ATL2: variants seen among roughly 807,000 people sequenced by gnomAD.
ATL2 encodes the protein atlastin-2.
A neutral mutation model predicts 73.9 loss-of-function variants in ATL2; 31 were observed. The observed-to-expected ratio is 0.42, with a 90% confidence interval of 0.32 to 0.57. The LOEUF is 0.57. Ranked by LOEUF, ATL2 falls within the 20% of genes least tolerant of loss-of-function variation. The probability of loss-of-function intolerance (pLI) is 0.14; values close to 1 mark genes in which losing one functional copy is unlikely to be tolerated. For missense variants in ATL2, 738 were observed against 702.6 expected (o/e 1.05, Z -0.57); for synonymous variants, 291 against 237.5 (o/e 1.23, Z -2.07).
At chr2:38,348,241 C>T (rs1026087872) in intron 1 of ATL2, among the ~76,000 whole-genome samples, 3 of 151,758 alleles carry the variant, frequency 2.0e-5, no homozygotes, top group African/African-American at 7.3e-5. Context: ...CTGAGGAGGG[C>T]GGATCACCTA....
At chr2:38,320,317 T>C (rs1668250982) in intron 2 of ATL2, among the ~76,000 whole-genome samples, 1 of 152,176 alleles carries the variant, frequency 6.6e-6, no homozygotes, top group South Asian at 2.1e-4. Context: ...AAAGAGTCCT[T>C]ATCTATTAGA....
intron 1 of ATL2, among the ~76,000 whole-genome samples, chr2:38,369,982 T>C (rs1573599150): frequency 6.8e-6 from 1 of 146,562 alleles, no homozygotes; most frequent in African/African-American, 2.6e-5. Flanking sequence ...AAACCCCGTC[T>C]CTACTAAAAA....
chr2:38,309,516 A>G lies in ATL2; in HGVS notation c.944-10T>C. 1 of 1,605,758 alleles carries G rather than the reference A, an allele frequency of 6.2e-7. No homozygotes were observed. Among genetic ancestry groups the G allele is most frequent in the African/African-American group, 1.3e-5 (1 of 74,510 alleles). On this transcript the variant is annotated splice_polypyrimidine_tract_variant and intron_variant, in intron 8 of 12. Transcript: ENST00000378954. The stretch of plus-strand genomic sequence containing the variant: ...AAGTCTTCATCAATATCTAGAAAAC[A>G]AAAAATTGAGCAACATATTAGTCCA...
At chr2:38,310,518 G>A in intron 7 of ATL2, 71 bp from the exon 8 acceptor site, 1 of 1,348,408 alleles carries the variant, frequency 7.4e-7, no homozygotes, top group Non-Finnish European at 1.0e-6. Context: ...AATGCACACA[G>A]ACTCGCATGC....
At chr2:38,333,472 A>T (rs1655998245) in intron 2 of ATL2, among the ~76,000 whole-genome samples, 1 of 152,182 alleles carries the variant, frequency 6.6e-6, no homozygotes, top group South Asian at 2.1e-4. Flanking sequence ...AATGTTCTAA[A>T]ACTGGTGGTT....
chr2:38,375,176 T>A (rs769217634), intron 1 of ATL2, among the ~76,000 whole-genome samples: 7 of 152,230 alleles, frequency 4.6e-5, no homozygotes, highest in Non-Finnish European at 7.3e-5. Flanking sequence ...ACTTGGTTTT[T>A]GAAGCTATTT....
Position 38,323,104 on chromosome 2 carries a change from T to A in ATL2, c.364-4085A>T, listed in dbSNP as rs534053844. 2.3e-3 allele frequency among the ~76,000 whole-genome samples: 356 copies of A among 152,276 alleles called. 2 individuals carry two copies. Among genetic ancestry groups the A allele is most frequent in the African/African-American group, 8.3e-3 (344 of 41,564 alleles). On this transcript the variant is annotated intron_variant, in intron 2 of 12. Transcript: ENST00000378954. ...TAAACATTCCTGCCCACAAAGAGAA[T>A]TTTAGTGGGAGCTAAAGGCAGCCTT...
intron 1 of ATL2, among the ~76,000 whole-genome samples, chr2:38,371,198 T>TAAAA (rs556240788): frequency 7.1e-6 from 1 of 139,958 alleles, no homozygotes; most frequent in Non-Finnish European, 1.6e-5. Flanking sequence ...TCTCTTTAAT[T>TAAAA]AAAAAAAAAA....
chr2:38,365,078 G>C (rs1274033297), intron 1 of ATL2, among the ~76,000 whole-genome samples: 3 of 147,722 alleles, frequency 2.0e-5, no homozygotes, highest in Non-Finnish European at 4.5e-5. Context: ...GAGTTGTAAA[G>C]TATCAAGCCA....
At chr2:38,348,417 G>C (rs1379243595) in intron 1 of ATL2, among the ~76,000 whole-genome samples, 1 of 151,456 alleles carries the variant, frequency 6.6e-6, no homozygotes, top group Non-Finnish European at 1.5e-5. Context: ...GGTGAGCCAA[G>C]ATTGCGCCAT....
At chr2:38,331,109 C>A (rs1485836704) in intron 2 of ATL2, among the ~76,000 whole-genome samples, 1 of 151,772 alleles carries the variant, frequency 6.6e-6, no homozygotes, top group African/African-American at 2.4e-5. Context: ...CAAACCTGGG[C>A]AACACGGTGA....
chr2:38,370,448 C>CAAAAAAA (rs55964015), intron 1 of ATL2, among the ~76,000 whole-genome samples: 9 of 55,214 alleles, frequency 1.6e-4, no homozygotes, highest in African/African-American at 1.9e-4. Context: ...GACTCTGTCC[C>CAAAAAAA]AAAAAAAAAA....
At chr2:38,300,386 C>A (rs1005013835) in intron 9 of ATL2, 58 bp from the exon 10 acceptor site, 2 of 1,206,038 alleles carry the variant, frequency 1.7e-6, no homozygotes, top group African/African-American at 1.5e-5. Context: ...TCCACATCCC[C>A]AAAGAAAGAA....
At chr2:38,308,371 G>A (rs535574692) in intron 9 of ATL2, among the ~76,000 whole-genome samples, 2 of 152,264 alleles carry the variant, frequency 1.3e-5, no homozygotes, top group East Asian at 3.9e-4. Flanking sequence ...AACTTCACAT[G>A]TTCTCACTTA....
chr2:38,363,421 T>C (rs1403438449), intron 1 of ATL2, among the ~76,000 whole-genome samples: 1 of 151,936 alleles, frequency 6.6e-6, no homozygotes, highest in Non-Finnish European at 1.5e-5. Context: ...CATACAGCTA[T>C]TTTTCCAAAA....
intron 1 of ATL2, chr2:38,376,687 T>TC (rs988852143): frequency 7.9e-5 from 12 of 151,996 alleles, no homozygotes; most frequent in African/African-American, 2.9e-4. Flanking sequence ...GGCCACCCCT[T>TC]CCTCCCTGTC....
At chr2:38,325,486 A>G (rs1370743584) in intron 2 of ATL2, among the ~76,000 whole-genome samples, 3 of 152,050 alleles carry the variant, frequency 2.0e-5, no homozygotes, top group Non-Finnish European at 4.4e-5. Context: ...CACTTTCCTG[A>G]ATATTATCTC....
At chr2:38,351,040 T>C (rs1347249918) in intron 1 of ATL2, among the ~76,000 whole-genome samples, 1 of 152,172 alleles carries the variant, frequency 6.6e-6, no homozygotes, top group African/African-American at 2.4e-5. Context: ...CAAAGAATAA[T>C]TCACCTTTCA....
chr2:38,355,650 T>C (rs1670614544), intron 1 of ATL2, among the ~76,000 whole-genome samples: 1 of 150,720 alleles, frequency 6.6e-6, no homozygotes, highest in African/African-American at 2.4e-5. Flanking sequence ...GAAGCAAAAA[T>C]TCAGAGAACT....
Sources: allele counts gnomAD v4.1 joint callset (sites outside exome capture counted in the v4.1 genomes callset), GRCh38; gene constraint gnomAD v4.1.1; transcripts MANE v1.5; gene names NCBI Gene and HGNC (gene_info 2026-07-23, HGNC 2026-07-21).